The following CDYL2 variants were observed in gnomAD, a reference collection of about 807,000 sequenced individuals.
CDYL2 encodes chromodomain Y-like protein 2.
CDYL2 carries 23 observed loss-of-function variants against 49.4 expected under a neutral mutation model. The ratio of observed to expected loss-of-function variants is 0.47; its 90% CI spans 0.34 to 0.66. The LOEUF (loss-of-function observed/expected upper bound fraction) is 0.66. CDYL2 is among the 30% of genes least tolerant of loss of function. The pLI is 0.01. For missense variants in CDYL2, 678 were observed against 656.4 expected (o/e 1.03, Z -0.36); for synonymous variants, 360 against 268.8 (o/e 1.34, Z -3.32).
chr16:80,802,475 T>A (rs1489898320), intron 1 of CDYL2, among the ~76,000 whole-genome samples: 1 of 152,236 alleles, frequency 6.6e-6, no homozygotes, highest in African/African-American at 2.4e-5. Flanking sequence ...TGTTCCACCA[T>A]CTTGAAACAG....
At chr16:80,627,235 C>T (rs895209430) in intron 3 of CDYL2, among the ~76,000 whole-genome samples, 21 of 152,116 alleles carry the variant, frequency 1.4e-4, no homozygotes, top group African/African-American at 5.1e-4. Context: ...ATCCATCTGC[C>T]TCCAGAAATA....
chr16:80,744,652 G>A (rs796859142), intron 1 of CDYL2, among the ~76,000 whole-genome samples: 3 of 152,314 alleles, frequency 2.0e-5, no homozygotes, highest in African/African-American at 7.2e-5. Flanking sequence ...CCATGTGATA[G>A]GTAATATTCC....
intron 6 of CDYL2, 109 bp downstream of exon 6, chr16:80,607,983 T>C: frequency 3.8e-6 from 5 of 1,312,432 alleles, no homozygotes; most frequent in Non-Finnish European, 5.1e-6. Context: ...CTTTTGCTTA[T>C]TCCCTGTGCG....
At chr16:80,699,522 G>GA (rs2142498251) in intron 1 of CDYL2, among the ~76,000 whole-genome samples, 2 of 99,046 alleles carry the variant, frequency 2.0e-5, no homozygotes, top group Admixed American at 1.9e-4. Context: ...AGAATAGCAC[G>GA]AACAGAGGAT....
intron 4 of CDYL2, among the ~76,000 whole-genome samples, chr16:80,620,040 C>G (rs1907007974): frequency 1.3e-5 from 2 of 152,184 alleles, no homozygotes; most frequent in Admixed American, 6.5e-5. Flanking sequence ...TGTGACTTGT[C>G]TGATTCCTAA....
At position 80,684,786 on chromosome 16, in the gene CDYL2, T is replaced by G; in HGVS notation, c.368A>C (p.Lys123Thr). Residue 123 changes from lysine (K) to threonine (T), a missense_variant, in exon 2 of 7, where the codon AAG becomes ACG. Lys to Thr is a moderately conservative substitution (Grantham distance 78). Around this residue, in one of 3 missense-constraint regions of CDYL2, gnomAD observed 478 missense variants for 427.0 expected, o/e 1.12. Transcript: ENST00000570137. The stretch of plus-strand genomic sequence containing the variant: ...GGCCCTGTCACCTCCTGAAGAGGGC[T>G]TGCCTGAATACCCTTTTTTTGGCTT... ...LAKPKKGYSG[K>T]PSSGGDRATK... is the part of the protein sequence containing the mutation. 6.2e-7 allele frequency: 1 copy of G among 1,614,232 alleles called. No homozygotes were observed. Among genetic ancestry groups the G allele is most frequent in the Non-Finnish European group, 8.5e-7 (1 of 1,180,050 alleles).
At chr16:80,622,688 T>A (rs1301463816) in intron 3 of CDYL2, among the ~76,000 whole-genome samples, 1 of 152,158 alleles carries the variant, frequency 6.6e-6, no homozygotes, top group Non-Finnish European at 1.5e-5. Context: ...TTAGGCAGGC[T>A]GCTTGCTCAC....
chr16:80,642,408 G>A (rs112813493), intron 2 of CDYL2, among the ~76,000 whole-genome samples: 1 of 152,238 alleles, frequency 6.6e-6, no homozygotes, highest in African/African-American at 2.4e-5. Flanking sequence ...CGCCACTGCA[G>A]TCTAGCCTGG....
intron 1 of CDYL2, among the ~76,000 whole-genome samples, chr16:80,761,390 C>T (rs925712238): frequency 1.4e-4 from 21 of 152,168 alleles, no homozygotes; most frequent in African/African-American, 4.3e-4. Flanking sequence ...TTTCATCAAA[C>T]GGTTGTTGTA....
chr16:80,686,229 G>A (rs188557483), intron 1 of CDYL2, among the ~76,000 whole-genome samples: 58 of 152,250 alleles, frequency 3.8e-4, no homozygotes, highest in Admixed American at 2.2e-3. Flanking sequence ...AAATACACTC[G>A]GAAAATGCCA....
intron 1 of CDYL2, chr16:80,738,740 TTTCAA>T (rs1905628887): frequency 1.3e-5 from 2 of 152,260 alleles, no homozygotes; most frequent in Admixed American, 6.5e-5. Flanking sequence ...ACTTGTACAC[TTTCAA>T]TTGGTGAGTC....
At chr16:80,733,590 T>C (rs556519055) in intron 1 of CDYL2, among the ~76,000 whole-genome samples, 1 of 152,290 alleles carries the variant, frequency 6.6e-6, no homozygotes, top group Admixed American at 6.5e-5. Context: ...GAGAAATGCC[T>C]GAGCAAGAGG....
intron 1 of CDYL2, among the ~76,000 whole-genome samples, chr16:80,738,415 G>T (rs532459624): frequency 2.8e-4 from 42 of 152,014 alleles, no homozygotes; most frequent in Admixed American, 5.2e-4. Context: ...TTTAAAAAAA[G>T]GAATTTTAGG....
At chr16:80,753,040 T>G (rs1415982309) in intron 1 of CDYL2, among the ~76,000 whole-genome samples, 1 of 152,106 alleles carries the variant, frequency 6.6e-6, no homozygotes, top group Admixed American at 6.5e-5. Context: ...TCAAAATAAA[T>G]TAAGAATTAA....
chr16:80,714,011 G>C (rs969298989), intron 1 of CDYL2, among the ~76,000 whole-genome samples: 2 of 152,118 alleles, frequency 1.3e-5, no homozygotes, highest in Admixed American at 6.5e-5. Flanking sequence ...CGAACATTGT[G>C]GAGGAAAGAC....
rs555375900 is a variant in CDYL2, at chr16:80,654,985, T to C, written c.617-21749A>G. ...CCTAATCAGACAGAGCTGGCTGTGGTTTCTGCAGCGGCCCAGGCAGATCCA... is the reference window on the plus strand; with the variant it reads ...CCTAATCAGACAGAGCTGGCTGTGGCTTCTGCAGCGGCCCAGGCAGATCCA... On this transcript the variant is annotated intron_variant, in intron 2 of 6. Transcript: ENST00000570137. Among the ~76,000 whole-genome samples, 4 of 152,156 alleles carry C rather than the reference T, an allele frequency of 2.6e-5. No individual in the cohort carries two copies. In the South Asian group the frequency reaches 8.3e-4, roughly 32 times the overall value.
chr16:80,623,259 C>T (rs1169390661), intron 3 of CDYL2, among the ~76,000 whole-genome samples: 2 of 152,140 alleles, frequency 1.3e-5, no homozygotes, highest in African/African-American at 4.8e-5. Context: ...TGGGCACAAG[C>T]TCCACTTCTA....
chr16:80,675,526 T>C (rs1909708255), intron 2 of CDYL2, among the ~76,000 whole-genome samples: 1 of 152,180 alleles, frequency 6.6e-6, no homozygotes, highest in South Asian at 2.1e-4. Context: ...ATTATCATCA[T>C]CATTCATGAA....
intron 1 of CDYL2, among the ~76,000 whole-genome samples, chr16:80,759,870 G>C (rs1284153703): frequency 6.9e-6 from 1 of 143,970 alleles, no homozygotes; most frequent in African/African-American, 2.8e-5. Flanking sequence ...TGGGGAAAGA[G>C]CTTGAACTGT....
Sources: allele counts gnomAD v4.1 joint callset (sites outside exome capture counted in the v4.1 genomes callset), GRCh38; gene constraint gnomAD v4.1.1; regional missense constraint gnomAD v4.1.1; transcripts MANE v1.5; gene names NCBI Gene and HGNC (gene_info 2026-07-23, HGNC 2026-07-21).